MACF1: variants seen among roughly 807,000 people sequenced by gnomAD.
MACF1 encodes the protein microtubule-actin cross-linking factor 1.
Under a neutral mutation model 854.8 loss-of-function variants are expected in MACF1, and 193 were observed. The ratio of observed to expected loss-of-function variants is 0.23; its 90% CI spans 0.20 to 0.25. MACF1 has a LOEUF of 0.25. Ranked by LOEUF, MACF1 falls within the 10% of genes least tolerant of loss-of-function variation. The pLI is 1.00. For synonymous variants in MACF1, 3,185 were observed against 3,226.7 expected, an observed-to-expected ratio of 0.99 and a Z score of 0.44; for missense variants, 7,722 against 8,929.1, an observed-to-expected ratio of 0.86 and a Z score of 5.45.
rs74066744 is a variant in MACF1, at chr1:39,322,522, C to T, written c.4030-86C>T. ...AGCATGAGTGGTCACCAAAACGCTT[C>T]CAGCAATAAAAAGCTATGATTTATT... On this transcript the variant is annotated intron_variant, in intron 31 of 100. Transcript: ENST00000564288. 7.9e-3 allele frequency: 9,554 copies of T among 1,206,670 alleles called. 506 individuals carry two copies. The African/African-American group carries it at 0.12, about 15-fold the overall frequency. 74.7% of individuals were successfully genotyped at this position (1,206,670 alleles called of 1,614,324 possible).
At chr1:39,471,669 A>G (rs1230415675) in intron 97 of MACF1, among the ~76,000 whole-genome samples, 1 of 152,162 alleles carries the variant, frequency 6.6e-6, no homozygotes, top group Non-Finnish European at 1.5e-5. Context: ...GGATAGAGAG[A>G]AAAAAAGTGC....
chr1:39,442,590 C>A lies in MACF1; in HGVS notation c.19104+23C>A, dbSNP rs766638641. 38 of 1,613,450 alleles carry A rather than the reference C, an allele frequency of 2.4e-5. No homozygotes were observed. In the South Asian group the frequency reaches 4.0e-4, roughly 17 times the overall value. On this transcript the variant is annotated intron_variant, in intron 77 of 100. Coordinates refer to ENST00000564288, the MANE Select transcript of MACF1 (RefSeq NM_001394062.1). ...CATGTAAGTATTTTCATTTTTTCAT[C>A]TCTAACCCTATTGATTTGAGACCAG...
In MACF1 at chr1:39,428,258, G is replaced by A. The variant is rs988317235; in HGVS notation, c.16774G>A (p.Val5592Ile). 1 of 1,612,894 alleles carries A rather than the reference G, an allele frequency of 6.2e-7. No individual in the cohort carries two copies. Among genetic ancestry groups the A allele is most frequent in the Admixed American group, 1.7e-5 (1 of 59,798 alleles). ...SVFVKDFKQD[V>I]LHRQHADHLA... The stretch of plus-strand genomic sequence containing the variant: ...GTTCGTAAAGGATTTCAAACAGGAT[G>A]TCCTGCACAGGCAGCATGCTGACCA... Residue 5592 changes from valine (V) to isoleucine (I), a missense_variant, in exon 63 of 101, where the codon GTC becomes ATC. Physicochemically the swap from Val to Ile is conservative, Grantham distance 29. Coordinates refer to ENST00000564288, the MANE Select transcript of MACF1 (RefSeq NM_001394062.1).
chr1:39,422,685 C>T, intron 59 of MACF1, 45 bp from the exon 60 acceptor site: 1 of 1,587,824 alleles, frequency 6.3e-7, no homozygotes, highest in Non-Finnish European at 8.6e-7. Flanking sequence ...AATTTGAAAA[C>T]TACTTTCTCC....
chr1:39,097,259 G>A (rs1462874355), intron 2 of MACF1, among the ~76,000 whole-genome samples: 2 of 152,058 alleles, frequency 1.3e-5, no homozygotes, highest in Non-Finnish European at 2.9e-5. Flanking sequence ...TGATCCTCTG[G>A]TCCTTCCAGC....
At chr1:39,434,273 C>A in intron 68 of MACF1, 141 bp from the exon 69 acceptor site, 1 of 411,488 alleles carries the variant, frequency 2.4e-6, no homozygotes, top group East Asian at 3.5e-5. Flanking sequence ...AAATAAAAAT[C>A]ACTTGTAATC....
rs1644534331 is a variant in MACF1, at chr1:39,460,544, A to T, written c.21361-88A>T. 1.8e-6 allele frequency: 2 copies of T among 1,140,190 alleles called. No individual in the cohort carries two copies. Among genetic ancestry groups the T allele is most frequent in the South Asian group, 2.7e-5 (2 of 73,800 alleles). The allele number at this position is 1,140,190 out of a possible 1,614,324, so 70.6% of individuals were successfully genotyped here. ...TGATGGCCCCTGGAAGCATGGCTTT[A>T]CTGAATGTCTGAAAGTTTGGGTATG... On this transcript the variant is annotated intron_variant, in intron 91 of 100. Transcript: ENST00000564288. This position sits in a 1 kb window ranked among gnomAD's most constrained non-coding sequence, Gnocchi z 4.1.
At chr1:39,180,373 T>G (rs891396015) in intron 2 of MACF1, among the ~76,000 whole-genome samples, 1 of 152,058 alleles carries the variant, frequency 6.6e-6, no homozygotes, top group Non-Finnish European at 1.5e-5. Context: ...CCCAGCACTT[T>G]GGGAGGCTGA....
intron 2 of MACF1, among the ~76,000 whole-genome samples, chr1:39,123,712 GTTTTGTTTTTTTTTTT>G (rs1642782198): frequency 1.3e-5 from 1 of 77,486 alleles, no homozygotes; most frequent in African/African-American, 5.0e-5. Flanking sequence ...GCTAATTCTT[GTTTTGTTTTTTTTTTT>G]TTTTTTTTTG....
chr1:39,102,686 C>A (rs1261535126), intron 2 of MACF1: 1 of 689,746 alleles, frequency 1.4e-6, no homozygotes, highest in Non-Finnish European at 2.6e-6. Flanking sequence ...CCTTGTATTA[C>A]TCTTCTCTTC....
intron 31 of MACF1, 145 bp downstream of exon 31, chr1:39,319,892 A>T: frequency 1.7e-6 from 1 of 583,846 alleles, no homozygotes; most frequent in East Asian, 3.0e-5. Context: ...GCAGATGTGT[A>T]TTTCCTGCAA....
At position 39,442,142 on chromosome 1, in the gene MACF1, G is replaced by T; in HGVS notation, c.18775-5G>T. 1 of 1,589,790 alleles carries T rather than the reference G, an allele frequency of 6.3e-7. No homozygotes were observed. The highest frequency in any genetic ancestry group is 1.1e-5 in the South Asian group (1 of 87,614). The stretch of plus-strand genomic sequence containing the variant: ...TGATGTTAACATTGAGTGTGTCTTT[G>T]ACAGGAGTTCAAAGTAGAAGTTTAC... On this transcript the variant is annotated splice_region_variant and splice_polypyrimidine_tract_variant and intron_variant, in intron 75 of 100. Coordinates refer to ENST00000564288, the MANE Select transcript of MACF1 (RefSeq NM_001394062.1).
chr1:39,361,470 C>A lies in MACF1; in HGVS notation c.12564C>A (p.Gly4188=), dbSNP rs1406611676. The part of the protein sequence containing the change: ...ADSTTAAVLQ[G]KLAEVSQRFE... ...GTACTACAGCAGCAGTGCTGCAGGGCAAACTGGCAGAGGTGAGCCAGCGGT... is the reference window on the plus strand; with the variant it reads ...GTACTACAGCAGCAGTGCTGCAGGGAAAACTGGCAGAGGTGAGCCAGCGGT... The change falls in exon 49 of 101, where the codon GGC becomes GGA. Residue 4188 remains glycine, a synonymous_variant. Coordinates refer to ENST00000564288, the MANE Select transcript of MACF1 (RefSeq NM_001394062.1). 1.2e-6 allele frequency: 2 copies of A among 1,614,166 alleles called. No individual in the cohort carries two copies. Among genetic ancestry groups the A allele is most frequent in the Non-Finnish European group, 1.7e-6 (2 of 1,180,038 alleles).
intron 3 of MACF1, among the ~76,000 whole-genome samples, chr1:39,250,849 C>T (rs900300842): frequency 6.6e-6 from 1 of 152,130 alleles, no homozygotes; most frequent in Non-Finnish European, 1.5e-5. Flanking sequence ...ACTTGTAGGC[C>T]TACTGTTTTC....
intron 79 of MACF1, 144 bp downstream of exon 79, chr1:39,443,718 C>T (rs1447464397): frequency 2.2e-6 from 2 of 906,948 alleles, no homozygotes; most frequent in African/African-American, 1.7e-5. Flanking sequence ...TTGGGGATTG[C>T]TGCCTGTTAC....
chr1:39,416,192 G>T (rs1415741621), intron 58 of MACF1, among the ~76,000 whole-genome samples: 1 of 152,128 alleles, frequency 6.6e-6, no homozygotes, highest in Non-Finnish European at 1.5e-5. Flanking sequence ...CAGTTATTTT[G>T]TCAGGTAGCA....
chr1:39,228,491 C>T (rs905401814), intron 1 of MACF1, among the ~76,000 whole-genome samples: 8 of 152,090 alleles, frequency 5.3e-5, no homozygotes, highest in African/African-American at 7.2e-5. Context: ...GCAGATGACA[C>T]GGGCTTGGAA....
intron 2 of MACF1, among the ~76,000 whole-genome samples, chr1:39,234,567 C>T (rs866379751): frequency 1.1e-4 from 12 of 111,472 alleles, no homozygotes; most frequent in East Asian, 3.3e-4. Context: ...ACCTCCCTCC[C>T]GGACGGGGCG....
chr1:39,347,738 T>C (rs753303295), intron 41 of MACF1, among the ~76,000 whole-genome samples: 3 of 152,182 alleles, frequency 2.0e-5, no homozygotes, highest in Non-Finnish European at 4.4e-5. Context: ...TTTGGCTCTT[T>C]AAGAATTAAT....
Sources: gnomAD v4.1 joint callset for allele counts (sites outside exome capture counted in the v4.1 genomes callset) on GRCh38, gnomAD v4.1.1 for gene constraint, Gnocchi (gnomAD v3.1) non-coding constraint, MANE v1.5 for transcripts, NCBI Gene and HGNC (gene_info 2026-07-23, HGNC 2026-07-21) for gene names.